Variants in ANKRD31 observed in about 807,000 individuals in gnomAD.
ANKRD31 encodes the protein ankyrin repeat domain-containing protein 31.
A neutral mutation model predicts 186.0 loss-of-function variants in ANKRD31; 147 were observed. The ratio of observed to expected loss-of-function variants is 0.79; its 90% CI spans 0.69 to 0.91. The LOEUF (loss-of-function observed/expected upper bound fraction) is 0.91, where lower values mean the gene tolerates loss of function less well. Among genes scored for constraint, ANKRD31 ranks in the 40% least tolerant of loss-of-function variants. The pLI is 0.00. For missense variants in ANKRD31, 1,986 were observed against 2,148.8 expected (o/e 0.92, Z 1.50); for synonymous variants, 673 against 736.4 (o/e 0.91, Z 1.39).
At chr5:75,186,871 A>C (rs901941027) in intron 10 of ANKRD31, among the ~76,000 whole-genome samples, 5 of 152,286 alleles carry the variant, frequency 3.3e-5, no homozygotes, top group Admixed American at 2.0e-4. Flanking sequence ...CAAAATAAGT[A>C]TACTTAAATC....
chr5:75,117,331 C>T (rs970559048), intron 18 of ANKRD31, among the ~76,000 whole-genome samples: 1 of 152,070 alleles, frequency 6.6e-6, no homozygotes, highest in South Asian at 2.1e-4. Flanking sequence ...AATGGCTGGG[C>T]CTCTAAGAAA....
At position 75,068,361 on chromosome 5, in the gene ANKRD31, G is replaced by C; in HGVS notation, c.*158C>G. The stretch of plus-strand genomic sequence containing the variant: ...AAAGCATTAATCTTATATAATTGTT[G>C]AACAGTTACATACATCTTAAGAACA... On this transcript the variant is annotated 3_prime_UTR_variant, in exon 26 of 26. Coordinates refer to ENST00000506364, the MANE Select transcript of ANKRD31 (RefSeq NM_001372053.1). The C allele has an allele frequency of 1.6e-6, 1 of 606,860 alleles. No individual in the cohort carries two copies. Among genetic ancestry groups the C allele is most frequent in the Non-Finnish European group, 2.4e-6 (1 of 410,020 alleles). The allele number at this position is 606,860 out of a possible 1,614,324, so 37.6% of individuals were successfully genotyped here.
intron 17 of ANKRD31, among the ~76,000 whole-genome samples, chr5:75,133,750 A>G (rs879966658): frequency 6.6e-6 from 1 of 152,204 alleles, no homozygotes; most frequent in Non-Finnish European, 1.5e-5. Flanking sequence ...TCCAAAATTG[A>G]CCACATAGTT....
At chr5:75,199,738 T>TA (rs1755695084) in intron 5 of ANKRD31, 64 bp from the exon 6 acceptor site, 3 of 1,311,498 alleles carry the variant, frequency 2.3e-6, no homozygotes, top group Admixed American at 4.3e-5. Flanking sequence ...ACCTTCTCAG[T>TA]TGACATTTCA....
intron 2 of ANKRD31, among the ~76,000 whole-genome samples, chr5:75,227,289 G>A (rs548026356): frequency 4.9e-4 from 75 of 152,060 alleles, no homozygotes; most frequent in Non-Finnish European, 8.7e-4. Context: ...AAAATATTGC[G>A]GGCTGAGAAG....
chr5:75,142,209 T>G (rs1366502977), intron 15 of ANKRD31, among the ~76,000 whole-genome samples: 4 of 152,188 alleles, frequency 2.6e-5, no homozygotes, highest in Non-Finnish European at 5.9e-5. Context: ...TTCACTGTAC[T>G]AGACACTAAG....
intron 24 of ANKRD31, among the ~76,000 whole-genome samples, chr5:75,081,710 G>A (rs1336353265): frequency 1.3e-5 from 2 of 151,774 alleles, no homozygotes; most frequent in Non-Finnish European, 2.9e-5. Context: ...CAGAGAGAGA[G>A]AGAGAGACAG....
intron 20 of ANKRD31, among the ~76,000 whole-genome samples, chr5:75,109,043 A>C (rs1747558107): frequency 6.6e-6 from 1 of 152,188 alleles, no homozygotes; most frequent in African/African-American, 2.4e-5. Context: ...TATTAAAGAG[A>C]ATCTAGAATT....
chr5:75,114,628 G>A (rs1187495187), intron 19 of ANKRD31, among the ~76,000 whole-genome samples: 1 of 152,030 alleles, frequency 6.6e-6, no homozygotes, highest in African/African-American at 2.4e-5. Flanking sequence ...CAAACAGAGA[G>A]CCAAATCATG....
At chr5:75,140,266 GGAA>G (rs370930564) in intron 15 of ANKRD31, among the ~76,000 whole-genome samples, 72,634 of 136,288 alleles carry the variant, frequency 0.53, 20,965 homozygotes, top group African/African-American at 0.82. Flanking sequence ...AAGGAAGGAA[GGAA>G]AGAGAGAGAG....
chr5:75,229,273 G>A (rs1398019558), intron 2 of ANKRD31, among the ~76,000 whole-genome samples: 1 of 152,138 alleles, frequency 6.6e-6, no homozygotes, highest in Non-Finnish European at 1.5e-5. Flanking sequence ...GGATGTGTAT[G>A]CCCTAATTTT....
chr5:75,236,281 A>G (rs1176131021), intron 1 of ANKRD31, among the ~76,000 whole-genome samples: 1 of 152,216 alleles, frequency 6.6e-6, no homozygotes, highest in Non-Finnish European at 1.5e-5. Flanking sequence ...TTCAGACCCA[A>G]GATCTTTTTT....
chr5:75,195,371 T>C (rs767990046), intron 7 of ANKRD31, among the ~76,000 whole-genome samples: 3 of 152,038 alleles, frequency 2.0e-5, no homozygotes, highest in Non-Finnish European at 4.4e-5. Flanking sequence ...TCTATTTTCA[T>C]TTCCTAACTC....
intron 17 of ANKRD31, among the ~76,000 whole-genome samples, chr5:75,132,006 T>C (rs181080918): frequency 2.0e-5 from 3 of 152,324 alleles, no homozygotes; most frequent in Admixed American, 1.3e-4. Flanking sequence ...AAACCCCATC[T>C]GCATGTCACC....
At chr5:75,140,391 AC>A (rs1029876355) in intron 15 of ANKRD31, among the ~76,000 whole-genome samples, 11 of 152,218 alleles carry the variant, frequency 7.2e-5, no homozygotes, top group Admixed American at 7.2e-4. Context: ...AGCAAAATAA[AC>A]GGATAGGGTG....
At chr5:75,182,914 G>A (rs1754430378) in intron 10 of ANKRD31, among the ~76,000 whole-genome samples, 1 of 152,094 alleles carries the variant, frequency 6.6e-6, no homozygotes, top group African/African-American at 2.4e-5. Flanking sequence ...CAAGATACAA[G>A]TGTGAGTGAT....
At chr5:75,070,926 C>T (rs1744178213) in intron 25 of ANKRD31, among the ~76,000 whole-genome samples, 1 of 152,120 alleles carries the variant, frequency 6.6e-6, no homozygotes, top group Non-Finnish European at 1.5e-5. Flanking sequence ...GATCTTGTCC[C>T]TATAAAACAA....
intron 4 of ANKRD31, among the ~76,000 whole-genome samples, chr5:75,207,960 T>C (rs1456165305): frequency 6.6e-6 from 1 of 152,046 alleles, no homozygotes; most frequent in African/African-American, 2.4e-5. Flanking sequence ...TATCTACATA[T>C]TAGAAACTAA....
chr5:75,131,415 G>A (rs1449918449), intron 17 of ANKRD31, among the ~76,000 whole-genome samples: 3 of 152,220 alleles, frequency 2.0e-5, no homozygotes, highest in Non-Finnish European at 4.4e-5. Flanking sequence ...CTCACTGCTA[G>A]CACAGCAGTC....
Sources: allele counts gnomAD v4.1 joint callset (sites outside exome capture counted in the v4.1 genomes callset), GRCh38; gene constraint gnomAD v4.1.1; transcripts MANE v1.5; gene names NCBI Gene and HGNC (gene_info 2026-07-23, HGNC 2026-07-21).